DZIP1L: variants seen among roughly 807,000 people sequenced by gnomAD.
The protein encoded by DZIP1L is cilium assembly protein DZIP1L.
DZIP1L carries 90 observed loss-of-function variants against 88.7 expected under a neutral mutation model. The observed-to-expected ratio is 1.02, with a 90% CI of 0.86 to 1.21. The LOEUF (loss-of-function observed/expected upper bound fraction) is 1.21, where lower values mean the gene tolerates loss of function less well. DZIP1L is among the 50% of genes most tolerant of loss of function. DZIP1L has a pLI of 0.00. For missense variants in DZIP1L, 932 were observed against 955.8 expected (o/e 0.98, Z 0.33); for synonymous variants, 363 against 372.1 (o/e 0.98, Z 0.28).
Position 138,104,015 on chromosome 3 carries a change from C to T in DZIP1L, c.-44G>A. 4 of 1,571,332 alleles carry T rather than the reference C, an allele frequency of 2.5e-6. No individual in the cohort carries two copies. The highest frequency in any genetic ancestry group is 3.4e-6 in the Non-Finnish European group (4 of 1,165,966). On this transcript the variant is annotated 5_prime_UTR_variant, in exon 2 of 16. Transcript: ENST00000327532. ...GCTGACCACCAGAGGAGGGGGGCAC[C>T]AAGGCCACGGCAGTAGGCCAAGGAG... is the stretch of plus-strand genomic sequence containing the variant.
At chr3:138,067,774 C>A in intron 13 of DZIP1L, 74 bp from the exon 14 acceptor site, 1 of 1,459,618 alleles carries the variant, frequency 6.9e-7, no homozygotes, top group African/African-American at 1.4e-5. Flanking sequence ...CTTCACCACG[C>A]TTCAAGCTGG....
chr3:138,062,917 C>A lies in DZIP1L; in HGVS notation c.2203G>T (p.Asp735Tyr). 6.2e-7 allele frequency: 1 copy of A among 1,614,154 alleles called. No individual in the cohort carries two copies. Among genetic ancestry groups the A allele is most frequent in the Non-Finnish European group, 8.5e-7 (1 of 1,180,038 alleles). ...SSLEDLPLDL[D>Y]QREKPKPLSR... ...AAGGGCTTGGGTTTCTCTCTCTGGT[C>A]CAGGTCCAGAGGAAGATCTTCCAAG... The change falls in exon 16 of 16, where the codon GAC becomes TAC. Residue 735 changes from aspartate (D) to tyrosine (Y), a missense_variant. Transcript: ENST00000327532.
intron 8 of DZIP1L, among the ~76,000 whole-genome samples, chr3:138,082,381 G>A (rs1465925527): frequency 6.6e-6 from 1 of 152,204 alleles, no homozygotes; most frequent in East Asian, 1.9e-4. Context: ...TGTCAAAGCT[G>A]CTGGCAGCCA....
intron 2 of DZIP1L, among the ~76,000 whole-genome samples, chr3:138,101,080 G>A (rs879409264): frequency 6.6e-6 from 1 of 151,886 alleles, no homozygotes; most frequent in African/African-American, 2.4e-5. Context: ...AAATATGCAC[G>A]CACTCACACC....
At chr3:138,066,756 T>A (rs553873177) in intron 14 of DZIP1L, among the ~76,000 whole-genome samples, 1 of 151,106 alleles carries the variant, frequency 6.6e-6, no homozygotes, top group African/African-American at 2.4e-5. Context: ...TCTGCTCTAC[T>A]CACCGAGATG....
chr3:138,073,079 C>T (rs1377863988), intron 11 of DZIP1L, among the ~76,000 whole-genome samples: 1 of 152,140 alleles, frequency 6.6e-6, no homozygotes, highest in Non-Finnish European at 1.5e-5. Context: ...GGTCTTCCTG[C>T]ACCCGCCCTG....
chr3:138,099,257 G>A (rs11928535), intron 2 of DZIP1L, among the ~76,000 whole-genome samples: 28,723 of 152,220 alleles, frequency 0.19, 3,093 homozygotes, highest in African/African-American at 0.27. Context: ...GAACAGCTCT[G>A]AATGCAGTCC....
At chr3:138,064,095 C>T (rs768491752) in intron 15 of DZIP1L, among the ~76,000 whole-genome samples, 43 of 152,162 alleles carry the variant, frequency 2.8e-4, no homozygotes, top group Non-Finnish European at 5.9e-4. Flanking sequence ...GTCTGAAAAT[C>T]TGATGGTGGC....
At chr3:138,080,663 C>G (rs1335119919) in intron 9 of DZIP1L, 43 bp from the exon 10 acceptor site, 1 of 1,603,412 alleles carries the variant, frequency 6.2e-7, no homozygotes, top group Admixed American at 1.7e-5. Flanking sequence ...TGCTCTGGAC[C>G]CCATCCCTGA....
At chr3:138,067,247 G>A (rs1942950991) in intron 14 of DZIP1L, among the ~76,000 whole-genome samples, 1 of 152,190 alleles carries the variant, frequency 6.6e-6, no homozygotes, top group Non-Finnish European at 1.5e-5. Flanking sequence ...GAGAAAAGGG[G>A]TGAATGGCTC....
At chr3:138,105,035 C>A (rs540055992) in intron 1 of DZIP1L, among the ~76,000 whole-genome samples, 46 of 152,106 alleles carry the variant, frequency 3.0e-4, no homozygotes, top group African/African-American at 1.0e-3. Flanking sequence ...TATCTCTATG[C>A]AATGGAATAT....
chr3:138,096,846 A>T (rs557730317), intron 3 of DZIP1L, among the ~76,000 whole-genome samples: 7 of 152,334 alleles, frequency 4.6e-5, no homozygotes, highest in African/African-American at 1.7e-4. Context: ...TTTTACATCT[A>T]TATTTTGTGT....
intron 1 of DZIP1L, among the ~76,000 whole-genome samples, chr3:138,107,262 C>T (rs756888200): frequency 5.9e-5 from 9 of 152,128 alleles, no homozygotes; most frequent in Non-Finnish European, 1.0e-4. Context: ...ACTCTGCCCT[C>T]ATGAATGGAT....
intron 5 of DZIP1L, chr3:138,089,248 G>A (rs1206752489): frequency 1.0e-6 from 1 of 985,188 alleles, no homozygotes; most frequent in Non-Finnish European, 1.2e-6. Context: ...TGGTTCCAAA[G>A]GTTAACAATT....
intron 11 of DZIP1L, among the ~76,000 whole-genome samples, chr3:138,073,643 T>C (rs1285521945): frequency 6.6e-6 from 1 of 152,120 alleles, no homozygotes; most frequent in Non-Finnish European, 1.5e-5. Flanking sequence ...TCTGGTAATA[T>C]GACAAGACAA....
intron 2 of DZIP1L, chr3:138,102,043 G>A: frequency 6.8e-7 from 1 of 1,473,102 alleles, no homozygotes; most frequent in Non-Finnish European, 9.4e-7. Flanking sequence ...TTCCCAGCCA[G>A]CATCTGCAGC....
Position 138,115,329 on chromosome 3 carries a change from G to C in DZIP1L, c.-83C>G, listed in dbSNP as rs1411704613. 6.6e-6 allele frequency: 1 copy of C among 152,204 alleles called. No individual in the cohort carries two copies. The highest frequency in any genetic ancestry group is 2.4e-5 in the African/African-American group (1 of 41,442). The allele number at this position is 152,204 out of a possible 1,614,324, so 9.4% of individuals were successfully genotyped here. On this transcript the variant is annotated splice_region_variant and 5_prime_UTR_variant, in exon 1 of 16. Coordinates refer to ENST00000327532, the MANE Select transcript of DZIP1L (RefSeq NM_173543.3). ...AGTTTTCCCGCGCGGCCCGCTCACC[G>C]TGGGGTCTCCTGGAGCCGGGGACGG...
intron 5 of DZIP1L, among the ~76,000 whole-genome samples, chr3:138,091,572 C>T (rs1424545848): frequency 1.4e-5 from 2 of 146,630 alleles, no homozygotes; most frequent in African/African-American, 5.1e-5. Flanking sequence ...GAGCCGACAC[C>T]ACGCCACTGC....
intron 6 of DZIP1L, 131 bp from the exon 7 acceptor site, chr3:138,087,154 C>G (rs1009058247): frequency 2.7e-6 from 2 of 740,918 alleles, no homozygotes; most frequent in African/African-American, 3.6e-5. Context: ...AAAATCCAGA[C>G]AAAGATGGAA....
Sources: gnomAD v4.1 joint callset for allele counts (sites outside exome capture counted in the v4.1 genomes callset) on GRCh38, gnomAD v4.1.1 for gene constraint, MANE v1.5 for transcripts, NCBI Gene and HGNC (gene_info 2026-07-23, HGNC 2026-07-21) for gene names.